The following PRPF40B variants were observed in gnomAD, a reference collection of about 807,000 sequenced individuals.
PRPF40B encodes the protein pre-mRNA-processing factor 40 homolog B.
PRPF40B carries 56 observed loss-of-function variants against 124.5 expected under a neutral mutation model. The observed-to-expected ratio is 0.45, with a 90% CI of 0.36 to 0.56. PRPF40B has a LOEUF of 0.56. PRPF40B is among the 20% of genes least tolerant of loss of function. PRPF40B has a pLI of 0.00. For missense variants in PRPF40B, 1,053 were observed against 1,169.5 expected (o/e 0.90, Z 1.45); for synonymous variants, 443 against 426.4 (o/e 1.04, Z -0.48).
chr12:49,626,212 G>A (rs1940700750), intron 1 of PRPF40B, among the ~76,000 whole-genome samples: 1 of 152,190 alleles, frequency 6.6e-6, no homozygotes, highest in Non-Finnish European at 1.5e-5. Context: ...TGCATTTTAG[G>A]ATATTCCAGT....
At chr12:49,640,745 C>T (rs1433626079) in intron 18 of PRPF40B, 1 of 152,148 alleles carries the variant, frequency 6.6e-6, no homozygotes, top group African/African-American at 2.4e-5. Context: ...ATGTTTATTC[C>T]TTTTCCTTTC....
At chr12:49,634,220 GA>G in intron 10 of PRPF40B, 111 bp from the exon 11 acceptor site, 1 of 1,587,768 alleles carries the variant, frequency 6.3e-7, no homozygotes, top group Non-Finnish European at 8.6e-7. Flanking sequence ...CTGAAGGGCA[GA>G]AAAAGGCTGC....
In PRPF40B at chr12:49,633,525, C is replaced by A; in HGVS notation, c.558C>A (p.Pro186=). ...GTAAAGAGTCCCGCTGGACCCGGCC[C>A]AAGGATCTGGATGACCTAGAGGGTG... The part of the protein sequence containing the change: ...NQSKESRWTR[P]KDLDDLEVLV... The change falls in exon 8 of 26, where the codon CCC becomes CCA. Residue 186 remains proline, a synonymous_variant. Coordinates refer to ENST00000548825, the MANE Select transcript of PRPF40B (RefSeq NM_001031698.3). The A allele has an allele frequency of 1.9e-6, 3 of 1,614,228 alleles. No individual in the cohort carries two copies. The highest frequency in any genetic ancestry group is 2.5e-6 in the Non-Finnish European group (3 of 1,180,034).
Position 49,632,225 on chromosome 12 carries a change from CA to C in PRPF40B, c.294+301del, listed in dbSNP as rs1444774466. On this transcript the variant is annotated intron_variant, in intron 4 of 25. Transcript: ENST00000548825. ...GTGGACACATGAATATAGTTCTTCACATCCTCTTTGTCCCCAGAAGAGTCAG... is the reference window on the plus strand; with the variant it reads ...GTGGACACATGAATATAGTTCTTCACTCCTCTTTGTCCCCAGAAGAGTCAG... The C allele has an allele frequency of 1.7e-4, 100 of 584,186 alleles. No homozygotes were observed. In the East Asian group the frequency reaches 2.4e-3, roughly 14 times the overall value. 36.2% of individuals were successfully genotyped at this position (584,186 alleles called of 1,614,324 possible). A position where few individuals can be genotyped will look rare whatever the true frequency, so the allele number is the denominator to read the frequency against.
upstream of PRPF40B, chr12:49,623,494 C>T: frequency 8.2e-7 from 1 of 1,215,938 alleles, no homozygotes; most frequent in Non-Finnish European, 1.0e-6. Context: ...GGGTGCGACC[C>T]CCCGCCGGCC....
chr12:49,623,470 C>A, upstream of PRPF40B: 1 of 1,113,640 alleles, frequency 9.0e-7, no homozygotes, highest in Non-Finnish European at 1.1e-6. Context: ...GCCACCGGAG[C>A]CCCGGCCACG....
rs749997964 is a variant in PRPF40B at position 49,635,907 on chromosome 12, G to T, written c.1340G>T (p.Ser447Ile). Reference protein sequence around the residue: ...QALKSILDGMSSVNFQTTWSQ... With the variant: ...QALKSILDGMISVNFQTTWSQ... ...CTAAAGAGCATCCTGGATGGGATGA[G>T]TAGTGTCAACTTCCAAACCACGTGG... is the stretch of plus-strand genomic sequence containing the variant. Residue 447 changes from serine (S) to isoleucine (I), a missense_variant, in exon 15 of 26, where the codon AGT becomes ATT. This residue lies in a region of PRPF40B where 895 missense variants were observed against 1,052.2 expected (regional missense o/e 0.85). Transcript: ENST00000548825. The surrounding 1 kb of genome is among the most constrained non-coding windows in gnomAD (Gnocchi z 4.1). 1 of 1,614,124 alleles carries T rather than the reference G, an allele frequency of 6.2e-7. No individual in the cohort carries two copies. The highest frequency in any genetic ancestry group is 1.1e-5 in the South Asian group (1 of 91,084).
Position 49,632,996 on chromosome 12 carries a change from G to GGGGGGGCCCCCCC in PRPF40B, c.349-18_349-17insGGGGGGCCCCCCC. 7 of 1,147,390 alleles carry GGGGGGGCCCCCCC rather than the reference G, an allele frequency of 6.1e-6. No homozygotes were observed. Among genetic ancestry groups the GGGGGGGCCCCCCC allele is most frequent in the Non-Finnish European group, 8.5e-6 (7 of 823,004 alleles). The allele number at this position is 1,147,390 out of a possible 1,614,324, so 71.1% of individuals were successfully genotyped here. On this transcript the variant is annotated splice_polypyrimidine_tract_variant and intron_variant, in intron 6 of 25. Coordinates refer to ENST00000548825, the MANE Select transcript of PRPF40B (RefSeq NM_001031698.3). ...AAAGGGGCCTTGACCACCATTCTGT[G>GGGGGGGCCCCCCC]CCCCCCCCCCCACCCAGAGGGCCCT...
chr12:49,623,304 C>T (rs1408974326), upstream of PRPF40B: 1 of 171,934 alleles, frequency 5.8e-6, no homozygotes, highest in African/African-American at 2.4e-5. Context: ...CGCCGGCCCC[C>T]GACCGTCAGT....
At chr12:49,641,850 T>A in intron 18 of PRPF40B, 58 bp from the exon 19 acceptor site, 1 of 1,452,572 alleles carries the variant, frequency 6.9e-7, no homozygotes, top group Non-Finnish European at 9.6e-7. Context: ...CCACTCTGCC[T>A]GCCAGCTTTG....
chr12:49,626,962 A>G (rs59847655), intron 1 of PRPF40B, among the ~76,000 whole-genome samples: 3,846 of 152,248 alleles, frequency 0.025, 165 homozygotes, highest in African/African-American at 0.086. Flanking sequence ...CTGACATTCT[A>G]TGTTCCCTGA....
At chr12:49,637,024 C>G in intron 16 of PRPF40B, 175 bp downstream of exon 16, 1 of 947,124 alleles carries the variant, frequency 1.1e-6, no homozygotes, top group Middle Eastern at 3.4e-4. Context: ...CTCCTCAATT[C>G]TGGACTGTGC....
chr12:49,636,713 T>C lies in PRPF40B; in HGVS notation c.1427-3T>C. The C allele has an allele frequency of 2.5e-6, 4 of 1,613,988 alleles. No individual in the cohort carries two copies. The highest frequency in any genetic ancestry group is 1.7e-6 in the Non-Finnish European group (2 of 1,179,922). On this transcript the variant is annotated splice_polypyrimidine_tract_variant and splice_region_variant and intron_variant, in intron 15 of 25. Transcript: ENST00000548825. ...GCCCGCGGAACCTCCTGCCTGTCTT[T>C]AGACATGGACAAGGAAGATGCACTG...
chr12:49,640,530 C>A (rs1942486674), intron 18 of PRPF40B: 1 of 152,138 alleles, frequency 6.6e-6, no homozygotes, highest in Non-Finnish European at 1.5e-5. Flanking sequence ...ACACAAGCAA[C>A]CTTTGGGAGA....
Position 49,635,372 on chromosome 12 carries a change from G to C in PRPF40B, c.1174G>C (p.Glu392Gln), listed in dbSNP as rs766565055. 6.2e-7 allele frequency: 1 copy of C among 1,613,718 alleles called. No homozygotes were observed. The change falls in exon 14 of 26, where the codon GAA becomes CAA. Residue 392 changes from glutamate to glutamine, a missense_variant. By Grantham distance (29) the Glu-to-Gln change is conservative (BLOSUM62 2). Coordinates refer to ENST00000548825, the MANE Select transcript of PRPF40B (RefSeq NM_001031698.3). The surrounding 1 kb of genome is among the most constrained non-coding windows in gnomAD (Gnocchi z 4.1). ...AGCTTATATGCTCCACAGGCGGGCAGAACAGACCTTTGGGGAGCTGGAGGT... is the reference window on the plus strand; with the variant it reads ...AGCTTATATGCTCCACAGGCGGGCACAACAGACCTTTGGGGAGCTGGAGGT... ...MTSTTRYRRA[E>Q]QTFGELEVWA...
chr12:49,635,759 A>C lies in PRPF40B; in HGVS notation c.1276-84A>C. On this transcript the variant is annotated intron_variant, in intron 14 of 25. Coordinates refer to ENST00000548825, the MANE Select transcript of PRPF40B (RefSeq NM_001031698.3). The surrounding 1 kb of genome is among the most constrained non-coding windows in gnomAD (Gnocchi z 4.1). ...GCCTTCTTCCTAGGGTTCCCTAGCT[A>C]CCTTTCCCCAGGTCCTCCTCTGCCC... 1 of 1,537,414 alleles carries C rather than the reference A, an allele frequency of 6.5e-7. No homozygotes were observed. Among genetic ancestry groups the C allele is most frequent in the African/African-American group, 1.4e-5 (1 of 73,184 alleles).
At chr12:49,632,794 G>C in intron 5 of PRPF40B, 61 bp from the exon 6 acceptor site, 1 of 1,611,978 alleles carries the variant, frequency 6.2e-7, no homozygotes, top group Non-Finnish European at 8.5e-7. Flanking sequence ...GGGAGGCATA[G>C]GTGGGAATAA....
At position 49,642,734 on chromosome 12, in the gene PRPF40B, AAC is replaced by A; in HGVS notation, c.2118+61_2118+62del. The A allele has an allele frequency of 2.6e-6, 4 of 1,558,000 alleles. No homozygotes were observed. Among genetic ancestry groups the A allele is most frequent in the Non-Finnish European group, 2.6e-6 (3 of 1,143,268 alleles). On this transcript the variant is annotated intron_variant, in intron 21 of 25. Coordinates refer to ENST00000548825, the MANE Select transcript of PRPF40B (RefSeq NM_001031698.3). This position sits in a 1 kb window ranked among gnomAD's most constrained non-coding sequence, Gnocchi z 5.8. ...GCCCTTGAACTCATTAGACCAGTTC[AAC>A]AGAGACCTCAGTGGCCTCCCTCTTA...
rs1288673687 is a variant in PRPF40B at position 49,635,183 on chromosome 12, G to A, written c.1086G>A (p.Arg362=). 8 of 1,614,018 alleles carry A rather than the reference G, an allele frequency of 5.0e-6. No homozygotes were observed. The East Asian group carries it at 1.3e-4, about 27-fold the overall frequency. ...AGAAGGAGGAGAAGGAGGAGGCCCG[G>A]CTAAGGGCCAAAGAGGCCAAGCAGA... ...QREKEEKEEA[R]LRAKEAKQTL... The change falls in exon 13 of 26, where the codon CGG becomes CGA. Residue 362 remains arginine (R), a synonymous_variant. Transcript: ENST00000548825. The surrounding 1 kb of genome is among the most constrained non-coding windows in gnomAD (Gnocchi z 4.1).
Sources: gnomAD v4.1 joint callset for allele counts (sites outside exome capture counted in the v4.1 genomes callset) on GRCh38, gnomAD v4.1.1 for gene constraint, gnomAD v4.1.1 regional missense constraint, Gnocchi (gnomAD v3.1) non-coding constraint, MANE v1.5 for transcripts, NCBI Gene and HGNC (gene_info 2026-07-23, HGNC 2026-07-21) for gene names.